The following LDB2 variants were observed in gnomAD, a reference collection of about 807,000 sequenced individuals.
The protein encoded by LDB2 is LIM domain binding 2, also known as LIM domain-binding protein 2.
In LDB2, 12 loss-of-function variants were observed where a neutral mutation model predicts 44.3. The ratio of observed to expected loss-of-function variants is 0.27; its 90% CI spans 0.17 to 0.44. The LOEUF (loss-of-function observed/expected upper bound fraction) is 0.44. LDB2 is among the 20% of genes least tolerant of loss of function. LDB2 has a pLI of 1.00. For missense variants in LDB2, 344 were observed against 473.5 expected, an observed-to-expected ratio of 0.73 and a Z score of 2.54; for synonymous variants, 164 against 174.8, an observed-to-expected ratio of 0.94 and a Z score of 0.49.
intron 1 of LDB2, among the ~76,000 whole-genome samples, chr4:16,804,315 AAG>A: frequency 6.6e-6 from 1 of 152,242 alleles, no homozygotes; most frequent in African/African-American, 2.4e-5. Flanking sequence ...AATACATAGA[AAG>A]GGGGTAAAAC....
chr4:16,776,275 G>C (rs1263015002), intron 1 of LDB2, among the ~76,000 whole-genome samples: 1 of 152,200 alleles, frequency 6.6e-6, no homozygotes, highest in African/African-American at 2.4e-5. Context: ...TCCTTCCAAA[G>C]AGGTCCTACC....
At chr4:16,863,050 A>C (rs1423874753) in intron 1 of LDB2, among the ~76,000 whole-genome samples, 3 of 152,200 alleles carry the variant, frequency 2.0e-5, no homozygotes, top group South Asian at 4.1e-4. Flanking sequence ...GGCTCCAGCC[A>C]GCCAAGGTCA....
intron 2 of LDB2, among the ~76,000 whole-genome samples, chr4:16,645,258 C>T (rs959202346): frequency 2.0e-5 from 3 of 152,136 alleles, no homozygotes; most frequent in African/African-American, 7.2e-5. Flanking sequence ...GATTGGTGGC[C>T]GGGCGCGGTG....
Position 16,733,264 on chromosome 4 carries a change from G to A in LDB2, c.235+25894C>T, listed in dbSNP as rs1254418936. Among the ~76,000 whole-genome samples, 3 of 151,982 alleles carry A rather than the reference G, an allele frequency of 2.0e-5. No individual in the cohort carries two copies. In the East Asian group the frequency reaches 5.8e-4, roughly 29 times the overall value. ...GCCACTCATGATTATAAGGTGAATT[G>A]GAGTCATTTAAAATTTAACCCTGGA... On this transcript the variant is annotated intron_variant, in intron 2 of 7. Coordinates refer to ENST00000304523, the MANE Select transcript of LDB2 (RefSeq NM_001290.5).
chr4:16,859,666 A>G lies in LDB2; in HGVS notation c.132+38688T>C, dbSNP rs142087471. 2.1e-4 allele frequency among the ~76,000 whole-genome samples: 32 copies of G among 152,266 alleles called. No homozygotes were observed. In the East Asian group the frequency reaches 6.2e-3, roughly 29 times the overall value. On this transcript the variant is annotated intron_variant, in intron 1 of 7. Coordinates refer to ENST00000304523, the MANE Select transcript of LDB2 (RefSeq NM_001290.5). ...AGTACAGAGAACTTGTAAAGCTGGGAGGGGCCATCTTTGTTTTATTGTAAA... is the reference window on the plus strand; with the variant it reads ...AGTACAGAGAACTTGTAAAGCTGGGGGGGGCCATCTTTGTTTTATTGTAAA...
chr4:16,564,231 C>T (rs937434524), intron 5 of LDB2, among the ~76,000 whole-genome samples: 3 of 152,132 alleles, frequency 2.0e-5, no homozygotes, highest in Non-Finnish European at 4.4e-5. Context: ...TGGCTCATGC[C>T]TATAGTCCCA....
chr4:16,733,569 T>C (rs947079437), intron 2 of LDB2, among the ~76,000 whole-genome samples: 2 of 152,304 alleles, frequency 1.3e-5, no homozygotes, highest in African/African-American at 4.8e-5. Context: ...GGGGTTCATG[T>C]CTGTGCCTCA....
At chr4:16,672,832 T>TTTCCTTCC (rs61126154) in intron 2 of LDB2, among the ~76,000 whole-genome samples, 6,866 of 147,794 alleles carry the variant, frequency 0.046, 217 homozygotes, top group Middle Eastern at 0.079. Context: ...GCCTGCCTTC[T>TTTCCTTCC]TTCCTTCCTT....
At chr4:16,816,984 A>G (rs1266973132) in intron 1 of LDB2, among the ~76,000 whole-genome samples, 2 of 151,720 alleles carry the variant, frequency 1.3e-5, no homozygotes, top group Non-Finnish European at 2.9e-5. Flanking sequence ...TGCACCCCCC[A>G]CCCTGTATTA....
At chr4:16,852,878 G>A (rs1395335915) in intron 1 of LDB2, among the ~76,000 whole-genome samples, 1 of 152,082 alleles carries the variant, frequency 6.6e-6, no homozygotes, top group Admixed American at 6.6e-5. Context: ...AAATATTGAA[G>A]TAAGTTTATT....
chr4:16,802,976 G>A (rs1778132781), intron 1 of LDB2, among the ~76,000 whole-genome samples: 1 of 152,164 alleles, frequency 6.6e-6, no homozygotes, highest in Non-Finnish European at 1.5e-5. Context: ...TGTCACTGGA[G>A]CCAGAGACCC....
chr4:16,797,241 G>A (rs1776917992), intron 1 of LDB2, among the ~76,000 whole-genome samples: 1 of 152,026 alleles, frequency 6.6e-6, no homozygotes, highest in Non-Finnish European at 1.5e-5. Context: ...GCCTTTGGCT[G>A]AAAAAAATGC....
At chr4:16,748,397 G>A (rs1020427055) in intron 2 of LDB2, among the ~76,000 whole-genome samples, 1 of 152,164 alleles carries the variant, frequency 6.6e-6, no homozygotes, top group South Asian at 2.1e-4. Flanking sequence ...ACCCAGTTCT[G>A]TAAGCTCCTA....
At chr4:16,792,344 A>C (rs1213110259) in intron 1 of LDB2, among the ~76,000 whole-genome samples, 1 of 152,348 alleles carries the variant, frequency 6.6e-6, no homozygotes, top group East Asian at 1.9e-4. Context: ...TTCAATCCTC[A>C]TGACAAGCCT....
intron 2 of LDB2, among the ~76,000 whole-genome samples, chr4:16,744,936 C>G (rs1289998247): frequency 2.0e-5 from 3 of 152,168 alleles, no homozygotes; most frequent in Non-Finnish European, 4.4e-5. Flanking sequence ...TATTGAAAAA[C>G]TCCTGTGTAT....
intron 1 of LDB2, among the ~76,000 whole-genome samples, chr4:16,759,548 GT>G (rs1203060189): frequency 6.6e-6 from 1 of 152,144 alleles, no homozygotes; most frequent in East Asian, 1.9e-4. Context: ...ACAATGTGAT[GT>G]TTTTTGACAA....
intron 1 of LDB2, among the ~76,000 whole-genome samples, chr4:16,882,400 C>T (rs1720413665): frequency 6.6e-6 from 1 of 152,124 alleles, no homozygotes; most frequent in Non-Finnish European, 1.5e-5. Flanking sequence ...CAGCAGAGTT[C>T]TTTCTTCTCT....
intron 2 of LDB2, among the ~76,000 whole-genome samples, chr4:16,681,786 T>C (rs1307173331): frequency 6.6e-6 from 1 of 151,988 alleles, no homozygotes; most frequent in Non-Finnish European, 1.5e-5. Flanking sequence ...TTAGCCAGGA[T>C]GGTCTGGATC....
intron 2 of LDB2, among the ~76,000 whole-genome samples, chr4:16,738,545 T>C (rs283018): frequency 0.55 from 84,049 of 152,096 alleles, 23,415 homozygotes; most frequent in East Asian, 0.78. Context: ...GTTAACCCTT[T>C]GGTACATAAA....
Sources: allele counts gnomAD v4.1 joint callset (sites outside exome capture counted in the v4.1 genomes callset), GRCh38; gene constraint gnomAD v4.1.1; transcripts MANE v1.5; gene names NCBI Gene and HGNC (gene_info 2026-07-23, HGNC 2026-07-21).